The following KMT2D variants were observed in gnomAD, a reference collection of about 807,000 sequenced individuals.
The protein encoded by KMT2D is histone-lysine N-methyltransferase 2D.
Under a neutral mutation model 512.7 loss-of-function variants are expected in KMT2D, and 55 were observed. The observed-to-expected ratio is 0.11, with a 90% CI of 0.09 to 0.13. The LOEUF is 0.13. Among genes scored for constraint, KMT2D ranks in the 10% least tolerant of loss-of-function variants. The pLI is 1.00. For missense variants in KMT2D, 6,061 were observed against 7,127.9 expected (o/e 0.85, Z 5.39); for synonymous variants, 2,995 against 2,904.0 (o/e 1.03, Z -1.01).
Position 49,046,704 on chromosome 12 carries a change from G to A in KMT2D, c.4323C>T (p.Arg1441=). 6.2e-7 allele frequency: 1 copy of A among 1,613,956 alleles called. No homozygotes were observed. The highest frequency in any genetic ancestry group is 1.6e-4 in the Middle Eastern group (1 of 6,062). The stretch of plus-strand genomic sequence containing the variant: ...TATCACAGTCATCACAGAGCAGCAG[G>A]CGTGAGGGGTCGGAGGCCTGGCCAC... ...EVCGQASDPS[R]LLLCDDCDIS... The change falls in exon 16 of 55, where the codon CGC becomes CGT. Residue 1441 remains arginine, a synonymous_variant. Coordinates refer to ENST00000301067, the MANE Select transcript of KMT2D (RefSeq NM_003482.4). This position sits in a 1 kb window ranked among gnomAD's most constrained non-coding sequence, Gnocchi z 4.2.
In KMT2D at chr12:49,044,906, G is replaced by A. The variant is rs768577245; in HGVS notation, c.4801C>T (p.Arg1601Cys). 13 of 1,613,960 alleles carry A rather than the reference G, an allele frequency of 8.1e-6. No individual in the cohort carries two copies. The highest frequency in any genetic ancestry group is 4.0e-5 in the African/African-American group (3 of 74,948). Residue 1601 changes from arginine to cysteine, a missense_variant, in exon 20 of 55, where the codon CGT becomes TGT. Arg to Cys is a radical substitution (Grantham distance 180). Transcript: ENST00000301067. The surrounding 1 kb of genome is among the most constrained non-coding windows in gnomAD (Gnocchi z 6.4). ...TGCAGTGGTGACATGGTCAGGTTAC[G>A]CAGCAAGGCCATGCCAGTTTCTGTC... Reference protein sequence around the residue: ...WLTETGMALLRNLTMSPLHKR... With the variant: ...WLTETGMALLCNLTMSPLHKR...
At position 49,042,965 on chromosome 12, in the gene KMT2D, T is replaced by A. The variant is rs1943609495; in HGVS notation, c.5645-87A>T. The A allele has an allele frequency of 6.3e-7, 1 of 1,578,850 alleles. No homozygotes were observed. On this transcript the variant is annotated intron_variant, in intron 26 of 54. Coordinates refer to ENST00000301067, the MANE Select transcript of KMT2D (RefSeq NM_003482.4). The surrounding 1 kb of genome is among the most constrained non-coding windows in gnomAD (Gnocchi z 4.4). ...TACAAATGATCATGGCCAGGAACAG[T>A]CCAGGACTCCCCACCAGAGAAGCTG...
At position 49,041,848 on chromosome 12, in the gene KMT2D, G is replaced by C; in HGVS notation, c.6183+69C>G. On this transcript the variant is annotated intron_variant, in intron 30 of 54. Coordinates refer to ENST00000301067, the MANE Select transcript of KMT2D (RefSeq NM_003482.4). The surrounding 1 kb of genome is among the most constrained non-coding windows in gnomAD (Gnocchi z 5.4). Reference sequence around the variant, plus strand: ...AGGAGTGGGGAGCGGAAAGAACTGAGGTAAATTACCCAAAGATCCCTCCCT... The same window carrying C: ...AGGAGTGGGGAGCGGAAAGAACTGACGTAAATTACCCAAAGATCCCTCCCT... 1.3e-6 allele frequency: 2 copies of C among 1,533,236 alleles called. No individual in the cohort carries two copies. Among genetic ancestry groups the C allele is most frequent in the Non-Finnish European group, 1.8e-6 (2 of 1,127,236 alleles). 95.0% of individuals were successfully genotyped at this position (1,533,236 alleles called of 1,614,324 possible).
chr12:49,034,401 C>CTG lies in KMT2D; in HGVS notation c.10507+8_10507+9insCA, dbSNP rs767227427. 1.2e-6 allele frequency: 2 copies of CTG among 1,613,856 alleles called. No individual in the cohort carries two copies. Among genetic ancestry groups the CTG allele is most frequent in the African/African-American group, 1.3e-5 (1 of 75,034 alleles). The stretch of plus-strand genomic sequence containing the variant: ...TCCCCTGCACCTTCCTCCCACGCCC[C>CTG]ATACTCACTGATCACTCCCTGAGCA... On this transcript the variant is annotated intron_variant, in intron 38 of 54. Transcript: ENST00000301067.
chr12:49,056,003 A>G (rs1455325179), intron 1 of KMT2D, among the ~76,000 whole-genome samples: 1 of 152,072 alleles, frequency 6.6e-6, no homozygotes, highest in Non-Finnish European at 1.5e-5. Context: ...GCTCAGACCA[A>G]CCCCCGGCCC....
At chr12:49,045,356 T>C (rs965016552) in intron 19 of KMT2D, among the ~76,000 whole-genome samples, 11 of 152,276 alleles carry the variant, frequency 7.2e-5, no homozygotes, top group African/African-American at 2.4e-4. Context: ...AAAAGAGTTA[T>C]GTTCTCAGCC....
chr12:49,036,064 A>T (rs1283174496), intron 35 of KMT2D: 1 of 152,228 alleles, frequency 6.6e-6, no homozygotes, highest in Admixed American at 6.5e-5. Context: ...GTCTGCTATA[A>T]TGATTAAATT....
chr12:49,051,567 G>A lies in KMT2D; in HGVS notation c.2116C>T (p.Pro706Ser), dbSNP rs554166807. Residue 706 changes from proline to serine, a missense_variant, in exon 11 of 55, where the codon CCT becomes TCT. This residue lies in a region of KMT2D where 848 missense variants were observed against 838.5 expected (regional missense o/e 1.01). Transcript: ENST00000301067. Reference sequence around the variant, plus strand: ...GAGTCCTCCGGTGGTGGGGAAGCAGGTGAGTCCTCAGGTGGTGGGGATGTG... The same window carrying A: ...GAGTCCTCCGGTGGTGGGGAAGCAGATGAGTCCTCAGGTGGTGGGGATGTG... ...SPTSPPPEDS[P>S]ASPPPEDSLM... The A allele has an allele frequency of 6.2e-7, 1 of 1,608,580 alleles. No individual in the cohort carries two copies. The highest frequency in any genetic ancestry group is 1.1e-5 in the South Asian group (1 of 90,522).
intron 46 of KMT2D, 27 bp from the exon 47 acceptor site, chr12:49,028,168 G>A: frequency 1.2e-5 from 20 of 1,613,646 alleles, no homozygotes; most frequent in Non-Finnish European, 1.4e-5. Flanking sequence ...AGGGATGGAA[G>A]AAACATATCA....
In KMT2D at chr12:49,040,618, A is replaced by G. The variant is rs2120531578; in HGVS notation, c.7152T>C (p.Thr2384=). Residue 2384 remains threonine (T), a synonymous_variant, in exon 32 of 55, where the codon ACT becomes ACC. Transcript: ENST00000301067. ...YTDPYAQPPL[T]PRPQPPPPES... ...CAGGGGGCGGAGGTTGGGGCCGAGGAGTCAATGGGGGCTGAGCATATGGGT... is the reference window on the plus strand; with the variant it reads ...CAGGGGGCGGAGGTTGGGGCCGAGGGGTCAATGGGGGCTGAGCATATGGGT... 6.2e-7 allele frequency: 1 copy of G among 1,612,650 alleles called. No individual in the cohort carries two copies. The highest frequency in any genetic ancestry group is 8.5e-7 in the Non-Finnish European group (1 of 1,179,452).
At chr12:49,048,354 C>CA (rs1937684623) in intron 14 of KMT2D, among the ~76,000 whole-genome samples, 4 of 152,308 alleles carry the variant, frequency 2.6e-5, no homozygotes, top group Admixed American at 2.6e-4. Flanking sequence ...ACATATGTGA[C>CA]AAAATTCTAT....
In KMT2D at chr12:49,038,162, A is replaced by T. The variant is rs1381757467; in HGVS notation, c.9194T>A (p.Ile3065Asn). Residue 3065 changes from isoleucine to asparagine, a missense_variant, in exon 35 of 55, where the codon ATC becomes AAC. By Grantham distance (149) the Ile-to-Asn change is moderately radical. This residue lies in a region of KMT2D where 21 missense variants were observed against 74.3 expected (regional missense o/e 0.28). Transcript: ENST00000301067. The surrounding 1 kb of genome is among the most constrained non-coding windows in gnomAD (Gnocchi z 5.7). ...TACCAGCCTCAGGTGCTCATTGAAG[A>T]TATCCTTCTTGTCCCCAGTGTCCAG... The part of the protein sequence containing the change: ...PELDTGDKKD[I>N]FNEHLRLVES... The T allele has an allele frequency of 6.2e-7, 1 of 1,613,874 alleles. No homozygotes were observed. Among genetic ancestry groups the T allele is most frequent in the Non-Finnish European group, 8.5e-7 (1 of 1,179,884 alleles).
Position 49,033,576 on chromosome 12 carries a change from C to G in KMT2D, c.11129G>C (p.Gly3710Ala). The G allele has an allele frequency of 1.9e-6, 3 of 1,613,506 alleles. No individual in the cohort carries two copies. The highest frequency in any genetic ancestry group is 2.5e-6 in the Non-Finnish European group (3 of 1,179,806). The change falls in exon 40 of 55, where the codon GGA (glycine) becomes GCA (alanine). Residue 3710 changes from glycine to alanine, a missense_variant. Gly to Ala is a moderately conservative substitution (Grantham distance 60). This residue lies in a region of KMT2D where 1,600 missense variants were observed against 1,754.9 expected (regional missense o/e 0.91). Transcript: ENST00000301067. Reference protein sequence around the residue: ...FPGNLALRSLGPDSRLLQERQ... With the variant: ...FPGNLALRSLAPDSRLLQERQ... ...TTCCTGTAAAAGCCTTGAATCAGGTCCGAGGCTTCGAAGAGCAAGGTTGCC... is the reference window on the plus strand; with the variant it reads ...TTCCTGTAAAAGCCTTGAATCAGGTGCGAGGCTTCGAAGAGCAAGGTTGCC...
In KMT2D at chr12:49,028,807, C is replaced by T. The variant is rs765991412; in HGVS notation, c.14382+21G>A. On this transcript the variant is annotated intron_variant, in intron 46 of 54. Coordinates refer to ENST00000301067, the MANE Select transcript of KMT2D (RefSeq NM_003482.4). ...CCTCTGATCAGGTTCCCCTCAGCCT[C>T]GAGGTACCCCTAGGACACACCTTGG... 1.3e-5 allele frequency: 21 copies of T among 1,612,020 alleles called. No homozygotes were observed. The Middle Eastern group carries it at 5.3e-4, about 40-fold the overall frequency.
At chr12:49,029,309 G>A (rs927607576) in intron 44 of KMT2D, 73 bp from the exon 45 acceptor site, 39 of 1,584,046 alleles carry the variant, frequency 2.5e-5, no homozygotes, top group Non-Finnish European at 3.2e-5. Flanking sequence ...ATGAATAGAT[G>A]TCTTACTTGA....
chr12:49,029,283 C>T (rs2120395946), intron 44 of KMT2D, 47 bp from the exon 45 acceptor site: 1 of 1,599,572 alleles, frequency 6.3e-7, no homozygotes, highest in Non-Finnish European at 8.6e-7. Flanking sequence ...TGCAGACTCC[C>T]CTCCCAAATC....
chr12:49,035,026 G>A lies in KMT2D; in HGVS notation c.10232-91C>T. On this transcript the variant is annotated intron_variant, in intron 35 of 54. Transcript: ENST00000301067. ...CCTTCAACATCCTGACTTCAACCAC[G>A]CCAGGCAGAACAATGGCACGGCAAG... is the stretch of plus-strand genomic sequence containing the variant. 10 of 1,509,838 alleles carry A rather than the reference G, an allele frequency of 6.6e-6. No individual in the cohort carries two copies. In the South Asian group the frequency reaches 8.4e-5, roughly 13 times the overall value. The allele number at this position is 1,509,838 out of a possible 1,614,324, so 93.5% of individuals were successfully genotyped here.
In KMT2D at chr12:49,042,696, C is replaced by A. The variant is rs1169094591; in HGVS notation, c.5782+45G>T. The A allele has an allele frequency of 1.9e-6, 3 of 1,608,632 alleles. No homozygotes were observed. Among genetic ancestry groups the A allele is most frequent in the Non-Finnish European group, 1.7e-6 (2 of 1,176,368 alleles). On this transcript the variant is annotated intron_variant, in intron 27 of 54. Transcript: ENST00000301067. The surrounding 1 kb of genome is among the most constrained non-coding windows in gnomAD (Gnocchi z 4.4). ...AAGAGCAACTGGCCCATCCTGGAGGCAAGCTTGGTTATGTCAGTCTTCAGA... is the reference window on the plus strand; with the variant it reads ...AAGAGCAACTGGCCCATCCTGGAGGAAAGCTTGGTTATGTCAGTCTTCAGA...
In KMT2D at chr12:49,051,208, G is replaced by C. The variant is rs2120665392; in HGVS notation, c.2475C>G (p.Ser825=). ...LSPVPEEPCL[S]PQPEESHLSP... ...ACAGGTGTGATTCCTCAGGTTGGGG[G>C]GACAAGCATGGCTCCTCAGGCACAG... The change falls in exon 11 of 55, where the codon TCC becomes TCG. Residue 825 remains serine, a synonymous_variant. Transcript: ENST00000301067. 1 of 1,505,998 alleles carries C rather than the reference G, an allele frequency of 6.6e-7. No individual in the cohort carries two copies. The allele number at this position is 1,505,998 out of a possible 1,614,324, so 93.3% of individuals were successfully genotyped here.
Sources: allele counts gnomAD v4.1 joint callset (sites outside exome capture counted in the v4.1 genomes callset), GRCh38; gene constraint gnomAD v4.1.1; regional missense constraint gnomAD v4.1.1; non-coding constraint Gnocchi (gnomAD v3.1); transcripts MANE v1.5; gene names NCBI Gene and HGNC (gene_info 2026-07-23, HGNC 2026-07-21).